The following PPP2CA variants were observed in gnomAD, a reference collection of about 807,000 sequenced individuals.
PPP2CA encodes serine/threonine-protein phosphatase 2A catalytic subunit alpha isoform.
PPP2CA carries 5 observed loss-of-function variants against 38.8 expected under a neutral mutation model. The ratio of observed to expected loss-of-function variants is 0.13; its 90% CI spans 0.07 to 0.27. The LOEUF (loss-of-function observed/expected upper bound fraction) is 0.27, where lower values mean the gene tolerates loss of function less well. Among genes scored for constraint, PPP2CA ranks in the 10% least tolerant of loss-of-function variants. The pLI is 1.00. For missense variants in PPP2CA, 88 were observed against 389.7 expected, an observed-to-expected ratio of 0.23 and a Z score of 6.52; for synonymous variants, 152 against 134.0, an observed-to-expected ratio of 1.13 and a Z score of -0.93.
At chr5:134,201,176 C>T (rs1761960544) in intron 3 of PPP2CA, 102 bp from the exon 4 acceptor site, 6 of 867,152 alleles carry the variant, frequency 6.9e-6, no homozygotes, top group African/African-American at 1.7e-5. Flanking sequence ...CTTTGGGAAG[C>T]TGAGGCAGGA....
At chr5:134,204,607 T>C (rs949180882) in intron 2 of PPP2CA, among the ~76,000 whole-genome samples, 4 of 152,078 alleles carry the variant, frequency 2.6e-5, no homozygotes, top group African/African-American at 7.2e-5. Context: ...ACTACAAGCA[T>C]GCACCACTGC....
chr5:134,218,668 T>TC (rs1053080049), intron 1 of PPP2CA, among the ~76,000 whole-genome samples: 2 of 66,578 alleles, frequency 3.0e-5, no homozygotes, highest in African/African-American at 1.1e-4. Flanking sequence ...GTTGTTTCTT[T>TC]CTTTTTTTTT....
intron 2 of PPP2CA, chr5:134,202,252 C>T: frequency 2.3e-6 from 1 of 432,990 alleles, no homozygotes; most frequent in Non-Finnish European, 4.0e-6. Flanking sequence ...CAACTTTATA[C>T]CAAACATAAA....
rs1204333794 is a variant in PPP2CA, at chr5:134,196,915, A to T, written c.*857T>A. On this transcript the variant is annotated 3_prime_UTR_variant, in exon 7 of 7. Coordinates refer to ENST00000481195, the MANE Select transcript of PPP2CA (RefSeq NM_002715.4). ...GACAAATTGTAATATGTGAAATACA[A>T]ATAAATCCTGAAGTTAATCTGAAGA... 1 of 152,680 alleles carries T rather than the reference A, an allele frequency of 6.5e-6. No individual in the cohort carries two copies. Among genetic ancestry groups the T allele is most frequent in the African/African-American group, 2.4e-5 (1 of 41,460 alleles). The allele number at this position is 152,680 out of a possible 1,614,324, so 9.5% of individuals were successfully genotyped here. A position where few individuals can be genotyped will look rare whatever the true frequency, so the allele number is the denominator to read the frequency against.
chr5:134,203,266 A>C (rs554718325), intron 2 of PPP2CA, among the ~76,000 whole-genome samples: 3 of 152,304 alleles, frequency 2.0e-5, no homozygotes, highest in African/African-American at 7.2e-5. Flanking sequence ...TTATTCTAGA[A>C]GTTTTGTAGC....
intron 6 of PPP2CA, among the ~76,000 whole-genome samples, chr5:134,198,574 A>G (rs747030865): frequency 3.9e-5 from 6 of 151,982 alleles, no homozygotes; most frequent in Non-Finnish European, 7.4e-5. Context: ...CCCTTAATAA[A>G]CACTTTTTTG....
At chr5:134,222,094 A>C (rs1762458681) in intron 1 of PPP2CA, among the ~76,000 whole-genome samples, 3 of 152,180 alleles carry the variant, frequency 2.0e-5, no homozygotes, top group Non-Finnish European at 4.4e-5. Flanking sequence ...TCTGTGAAGC[A>C]ATACCAGAAC....
intron 2 of PPP2CA, among the ~76,000 whole-genome samples, chr5:134,203,876 G>A (rs1228423551): frequency 1.3e-5 from 2 of 152,064 alleles, no homozygotes; most frequent in Non-Finnish European, 2.9e-5. Context: ...CACCATGTCT[G>A]GCTAAAATTG....
chr5:134,203,233 T>G (rs1048937511), intron 2 of PPP2CA, among the ~76,000 whole-genome samples: 1 of 152,212 alleles, frequency 6.6e-6, no homozygotes, highest in Non-Finnish European at 1.5e-5. Context: ...AATCTTTAAC[T>G]AACCTGACAA....
intron 1 of PPP2CA, chr5:134,224,143 G>T (rs1762507019): frequency 2.9e-6 from 1 of 350,066 alleles, no homozygotes; most frequent in African/African-American, 2.2e-5. Flanking sequence ...TTCATATAAT[G>T]CACTGAATTC....
At chr5:134,216,004 T>G (rs1032983543) in intron 1 of PPP2CA, among the ~76,000 whole-genome samples, 1 of 152,052 alleles carries the variant, frequency 6.6e-6, no homozygotes, top group South Asian at 2.1e-4. Context: ...GCCACTACAC[T>G]CCAGGGAAAA....
In PPP2CA at chr5:134,220,456, C is replaced by CAAAAAAAAAA. The variant is rs10649430; in HGVS notation, c.102+5294_102+5303dup. 3.1e-3 allele frequency among the ~76,000 whole-genome samples: 170 copies of CAAAAAAAAAA among 53,988 alleles called. 15 individuals are homozygous for CAAAAAAAAAA. Among genetic ancestry groups the CAAAAAAAAAA allele is most frequent in the African/African-American group, 5.3e-3 (78 of 14,664 alleles). 35.4% of individuals were successfully genotyped at this position (53,988 alleles called of 152,430 possible). On this transcript the variant is annotated intron_variant, in intron 1 of 6. Transcript: ENST00000481195. Reference sequence around the variant, plus strand: ...CCTGGGCGACTGTGAGACTCTATCTCAAAAAAAAAAAAAAAAAAAAAAGCC... The same window carrying CAAAAAAAAAA: ...CCTGGGCGACTGTGAGACTCTATCTCAAAAAAAAAAAAAAAAAAAAAAAAAAAAAAAAGCC...
At chr5:134,202,062 C>T (rs765623966) in intron 2 of PPP2CA, 41 bp from the exon 3 acceptor site, 2 of 1,521,348 alleles carry the variant, frequency 1.3e-6, no homozygotes, top group South Asian at 2.6e-5. Context: ...CTAGCTCTTT[C>T]AAAAACCAAT....
intron 1 of PPP2CA, among the ~76,000 whole-genome samples, chr5:134,210,809 T>G (rs921934751): frequency 2.6e-5 from 4 of 152,028 alleles, no homozygotes; most frequent in African/African-American, 9.7e-5. Flanking sequence ...AAAGCGAGAC[T>G]CCATCCCAAA....
intron 2 of PPP2CA, chr5:134,202,285 T>G (rs191077682): frequency 2.9e-6 from 1 of 339,888 alleles, no homozygotes; most frequent in Non-Finnish European, 5.3e-6. Flanking sequence ...TAAAACCCCA[T>G]AAATTACTTT....
intron 2 of PPP2CA, chr5:134,205,662 C>A: frequency 5.2e-6 from 2 of 385,146 alleles, no homozygotes. Flanking sequence ...GGATTACAGG[C>A]ATAAGCCATC....
In PPP2CA at chr5:134,196,831, C is replaced by G. The variant is rs987905622; in HGVS notation, c.*941G>C. On this transcript the variant is annotated 3_prime_UTR_variant, in exon 7 of 7. Coordinates refer to ENST00000481195, the MANE Select transcript of PPP2CA (RefSeq NM_002715.4). ...AGTCTTACTGAAGCAGCACAGATTTCCTTTCTTACAAACAAGTTAATATGC... is the reference window on the plus strand; with the variant it reads ...AGTCTTACTGAAGCAGCACAGATTTGCTTTCTTACAAACAAGTTAATATGC... 5 of 152,372 alleles carry G rather than the reference C, an allele frequency of 3.3e-5. No individual in the cohort carries two copies. Among genetic ancestry groups the G allele is most frequent in the Non-Finnish European group, 5.9e-5 (4 of 68,022 alleles). The allele number at this position is 152,372 out of a possible 1,614,324, so 9.4% of individuals were successfully genotyped here.
chr5:134,216,367 C>T (rs1358631611), intron 1 of PPP2CA, among the ~76,000 whole-genome samples: 3 of 151,060 alleles, frequency 2.0e-5, no homozygotes, highest in African/African-American at 4.9e-5. Flanking sequence ...CGAAACACCC[C>T]CTCCCCTACT....
At chr5:134,211,691 G>A (rs1360021319) in intron 1 of PPP2CA, among the ~76,000 whole-genome samples, 4 of 150,252 alleles carry the variant, frequency 2.7e-5, no homozygotes, top group Non-Finnish European at 4.4e-5. Context: ...TGCCCAGGCT[G>A]GTCTCAAACT....
Sources: gnomAD v4.1 joint callset for allele counts (sites outside exome capture counted in the v4.1 genomes callset) on GRCh38, gnomAD v4.1.1 for gene constraint, MANE v1.5 for transcripts, NCBI Gene and HGNC (gene_info 2026-07-23, HGNC 2026-07-21) for gene names.